The following KRIT1 variants were observed in gnomAD, a reference collection of about 807,000 sequenced individuals.
The protein encoded by KRIT1 is krev interaction trapped protein 1.
In KRIT1, 45 loss-of-function variants were observed where a neutral mutation model predicts 95.8. That is an observed-to-expected ratio of 0.47 (90% confidence interval 0.37 to 0.60). The LOEUF (loss-of-function observed/expected upper bound fraction) is 0.60. Among genes scored for constraint, KRIT1 ranks in the 20% least tolerant of loss-of-function variants. The probability of loss-of-function intolerance (pLI) is 0.00; values close to 1 mark genes in which losing one functional copy is unlikely to be tolerated. For synonymous variants in KRIT1, 282 were observed against 278.8 expected (o/e 1.01, Z -0.11); for missense variants, 788 against 877.5 (o/e 0.90, Z 1.29).
chr7:92,227,333 G>C (rs1423324955), intron 10 of KRIT1, among the ~76,000 whole-genome samples: 2 of 152,170 alleles, frequency 1.3e-5, no homozygotes, highest in South Asian at 2.1e-4. Context: ...GGGAGGCAGA[G>C]GCAGGCGGAT....
At chr7:92,221,262 C>A (rs941778088) in intron 14 of KRIT1, among the ~76,000 whole-genome samples, 1 of 151,986 alleles carries the variant, frequency 6.6e-6, no homozygotes, top group Non-Finnish European at 1.5e-5. Context: ...ATGGCAAAAC[C>A]CCGTCTCCGC....
At position 92,242,075 on chromosome 7, in the gene KRIT1, C is replaced by T. The variant is rs1233466287; in HGVS notation, c.61G>A (p.Ala21Thr). Reference protein sequence around the residue: ...YVAVIRPKNTASLNSREYRAK... With the variant: ...YVAVIRPKNTTSLNSREYRAK... ...CTGTATTCCCGAGAATTGAGACTGG[C>T]AGTATTCTTTGGACGAATAACAGCA... The change falls in exon 4 of 19, where the codon GCC becomes ACC. Residue 21 changes from alanine (A) to threonine (T), a missense_variant. Ala to Thr is a moderately conservative substitution (Grantham distance 58, BLOSUM62 0). Coordinates refer to ENST00000394505, the MANE Select transcript of KRIT1 (RefSeq NM_194454.3). 6.3e-7 allele frequency: 1 copy of T among 1,599,532 alleles called. No individual in the cohort carries two copies. The highest frequency in any genetic ancestry group is 1.7e-5 in the Admixed American group (1 of 59,964).
At chr7:92,234,985 T>C in intron 8 of KRIT1, 62 bp from the exon 9 acceptor site, 1 of 811,370 alleles carries the variant, frequency 1.2e-6, no homozygotes, top group Non-Finnish European at 2.2e-6. Flanking sequence ...TGTTTACATG[T>C]TTATATTTTA....
intron 17 of KRIT1, among the ~76,000 whole-genome samples, chr7:92,205,073 A>G (rs1791117220): frequency 6.6e-6 from 1 of 152,182 alleles, no homozygotes; most frequent in African/African-American, 2.4e-5. Context: ...AGGGGCGAGC[A>G]CGGTGGCTCA....
chr7:92,226,768 T>G, intron 10 of KRIT1, 86 bp from the exon 11 acceptor site: 1 of 1,185,472 alleles, frequency 8.4e-7, no homozygotes, highest in Admixed American at 2.1e-5. Flanking sequence ...AAAATCCAAA[T>G]TTTAGATGAT....
At chr7:92,200,892 T>A in intron 18 of KRIT1, 88 bp from the exon 19 acceptor site, 3 of 895,128 alleles carry the variant, frequency 3.4e-6, no homozygotes. Context: ...CCCTATCTAT[T>A]TGAAAGGGAA....
chr7:92,222,069 C>T lies in KRIT1; in HGVS notation c.1412-16G>A. 3 of 1,602,272 alleles carry T rather than the reference C, an allele frequency of 1.9e-6. No homozygotes were observed. Among genetic ancestry groups the T allele is most frequent in the Non-Finnish European group, 1.7e-6 (2 of 1,169,416 alleles). On this transcript the variant is annotated splice_polypyrimidine_tract_variant and intron_variant, in intron 13 of 18. Coordinates refer to ENST00000394505, the MANE Select transcript of KRIT1 (RefSeq NM_194454.3). ...AGTTGAAGGCCTGAAAAACATCATTCCTTTTATAAATGATAATGTAAAAAG... is the reference window on the plus strand; with the variant it reads ...AGTTGAAGGCCTGAAAAACATCATTTCTTTTATAAATGATAATGTAAAAAG...
chr7:92,201,460 T>C (rs1790118916), intron 17 of KRIT1, 37 bp from the exon 18 acceptor site: 3 of 965,194 alleles, frequency 3.1e-6, no homozygotes, highest in African/African-American at 1.6e-5. Context: ...TTGAAATACA[T>C]ATTAAAAACT....
At chr7:92,238,627 T>C (rs1205203681) in intron 5 of KRIT1, among the ~76,000 whole-genome samples, 3 of 152,246 alleles carry the variant, frequency 2.0e-5, no homozygotes, top group Middle Eastern at 3.2e-3. Context: ...TTCTTTTGTC[T>C]GGCTTGAAGT....
chr7:92,205,137 A>C (rs1791150710), intron 17 of KRIT1, among the ~76,000 whole-genome samples: 1 of 152,174 alleles, frequency 6.6e-6, no homozygotes, highest in East Asian at 1.9e-4. Context: ...ACCTGAGGTC[A>C]GGTGTTCGAG....
intron 5 of KRIT1, among the ~76,000 whole-genome samples, chr7:92,238,153 G>A (rs1323676808): frequency 6.6e-6 from 1 of 152,038 alleles, no homozygotes; most frequent in African/African-American, 2.4e-5. Flanking sequence ...AATGTTTAGT[G>A]GCTCTTCATT....
chr7:92,218,254 A>G (rs1794405051), intron 14 of KRIT1, among the ~76,000 whole-genome samples: 1 of 151,974 alleles, frequency 6.6e-6, no homozygotes, highest in Non-Finnish European at 1.5e-5. Context: ...AAACAAAAAC[A>G]AAACTTTTTT....
At chr7:92,235,149 G>A (rs775760279) in intron 8 of KRIT1, among the ~76,000 whole-genome samples, 1 of 152,026 alleles carries the variant, frequency 6.6e-6, no homozygotes, top group Non-Finnish European at 1.5e-5. Context: ...ACAGGGGTAC[G>A]CCACCACATC....
At chr7:92,204,577 G>A (rs936439220) in intron 17 of KRIT1, among the ~76,000 whole-genome samples, 1 of 151,764 alleles carries the variant, frequency 6.6e-6, no homozygotes, top group Non-Finnish European at 1.5e-5. Flanking sequence ...GGTGATGGGA[G>A]GCAGTGACAG....
At chr7:92,234,349 A>G in intron 10 of KRIT1, 100 bp downstream of exon 10, 1 of 965,060 alleles carries the variant, frequency 1.0e-6, no homozygotes, top group Admixed American at 2.0e-5. Flanking sequence ...ACAGGTAGAG[A>G]AAAAGTATTT....
intron 6 of KRIT1, among the ~76,000 whole-genome samples, chr7:92,237,440 A>G (rs1474626572): frequency 1.3e-5 from 2 of 152,088 alleles, no homozygotes; most frequent in Non-Finnish European, 1.5e-5. Context: ...TCATTTCTTC[A>G]TCCTTTTAAA....
chr7:92,203,417 A>G (rs575811160), intron 17 of KRIT1, among the ~76,000 whole-genome samples: 1 of 152,336 alleles, frequency 6.6e-6, no homozygotes. Flanking sequence ...TAATGACTAG[A>G]TGGATAGAAA....
rs770258512 is a variant in KRIT1, at chr7:92,237,772, A to T, written c.263-13T>A. On this transcript the variant is annotated splice_polypyrimidine_tract_variant and intron_variant, in intron 5 of 18. Transcript: ENST00000394505. ...ACAACTCGTTTTCCTAATCATTTTTAAAAAGTTAGCAAAACAAAAATAATA... is the reference window on the plus strand; with the variant it reads ...ACAACTCGTTTTCCTAATCATTTTTTAAAAGTTAGCAAAACAAAAATAATA... 2.0e-5 allele frequency: 28 copies of T among 1,433,056 alleles called. 1 individual carries two copies. The South Asian group carries it at 3.0e-4, about 15-fold the overall frequency. The allele number at this position is 1,433,056 out of a possible 1,614,324, so 88.8% of individuals were successfully genotyped here.
chr7:92,209,240 T>G (rs998573873), intron 17 of KRIT1, among the ~76,000 whole-genome samples: 1 of 151,852 alleles, frequency 6.6e-6, no homozygotes, highest in African/African-American at 2.4e-5. Flanking sequence ...ACAGCTAACA[T>G]CATACTGAAA....
Sources: allele counts gnomAD v4.1 joint callset (sites outside exome capture counted in the v4.1 genomes callset), GRCh38; gene constraint gnomAD v4.1.1; transcripts MANE v1.5; gene names NCBI Gene and HGNC (gene_info 2026-07-23, HGNC 2026-07-21).